Variants in DIP2A observed in about 807,000 individuals in gnomAD.
DIP2A encodes disco-interacting protein 2 homolog A.
In DIP2A, 85 loss-of-function variants were observed where a neutral mutation model predicts 177.4. That is an observed-to-expected ratio of 0.48 (90% CI 0.40 to 0.57). The LOEUF (loss-of-function observed/expected upper bound fraction) is 0.57. Ranked by LOEUF, DIP2A falls within the 20% of genes least tolerant of loss-of-function variation. The pLI, the probability that DIP2A is intolerant of heterozygous loss-of-function variation, is 0.00. For missense variants in DIP2A, 1,791 were observed against 2,100.2 expected (o/e 0.85, Z 2.88); for synonymous variants, 886 against 881.8 (o/e 1.00, Z -0.08).
chr21:46,470,290 C>T (rs1044300156), intron 1 of DIP2A, among the ~76,000 whole-genome samples: 12 of 151,768 alleles, frequency 7.9e-5, no homozygotes, highest in South Asian at 2.1e-4. Flanking sequence ...GCCTGACCAA[C>T]GTGGAGAAAC....
intron 1 of DIP2A, among the ~76,000 whole-genome samples, chr21:46,473,890 T>TA (rs2055616520): frequency 6.6e-6 from 1 of 152,162 alleles, no homozygotes; most frequent in African/African-American, 2.4e-5. Flanking sequence ...CCCACCTTTT[T>TA]AAAAAATGTA....
rs1568984152 is a variant in DIP2A, at chr21:46,502,406, A to G, written c.656-1955A>G. Among the ~76,000 whole-genome samples the G allele has an allele frequency of 2.2e-5, 3 of 135,470 alleles. 1 individual carries two copies. Among genetic ancestry groups the G allele is most frequent in the East Asian group, 4.5e-4 (2 of 4,456 alleles). The allele number at this position is 135,470 out of a possible 152,430, so 88.9% of individuals were successfully genotyped here. On this transcript the variant is annotated intron_variant, in intron 5 of 37. Coordinates refer to ENST00000417564, the MANE Select transcript of DIP2A (RefSeq NM_015151.4). ...CTCAGCCTCCCAAAGTGCTGGGATTATAAGTGTGAGCCACTGCACAGCTAG... is the reference window on the plus strand; with the variant it reads ...CTCAGCCTCCCAAAGTGCTGGGATTGTAAGTGTGAGCCACTGCACAGCTAG...
chr21:46,563,671 T>C lies in DIP2A; in HGVS notation c.4090-187T>C. 1 of 1,139,690 alleles carries C rather than the reference T, an allele frequency of 8.8e-7. No homozygotes were observed. The highest frequency in any genetic ancestry group is 1.2e-6 in the Non-Finnish European group (1 of 840,612). The allele number at this position is 1,139,690 out of a possible 1,614,324, so 70.6% of individuals were successfully genotyped here. ...GAACTGGAGTCATTTTGCTTATTTC[T>C]ATTAACATCTCTTATTTCTTTCAAA... is the stretch of plus-strand genomic sequence containing the variant. On this transcript the variant is annotated intron_variant, in intron 34 of 37. Transcript: ENST00000417564. The surrounding 1 kb of genome is among the most constrained non-coding windows in gnomAD (Gnocchi z 4.3).
intron 25 of DIP2A, among the ~76,000 whole-genome samples, chr21:46,552,495 A>G (rs914933205): frequency 6.6e-6 from 1 of 152,204 alleles, no homozygotes; most frequent in Non-Finnish European, 1.5e-5. Context: ...GGAAACACAG[A>G]AAGTTAAATA....
intron 34 of DIP2A, among the ~76,000 whole-genome samples, chr21:46,562,742 T>G (rs2060708365): frequency 6.6e-6 from 1 of 152,080 alleles, no homozygotes; most frequent in South Asian, 2.1e-4. Context: ...CCTTCCCGTG[T>G]CCCCTGTTAC....
In DIP2A at chr21:46,539,863, G is replaced by C. The variant is rs1386781431; in HGVS notation, c.1922-14G>C. On this transcript the variant is annotated splice_polypyrimidine_tract_variant and intron_variant, in intron 16 of 37. Coordinates refer to ENST00000417564, the MANE Select transcript of DIP2A (RefSeq NM_015151.4). ...CAGTTAGTGCTGGCGTTCCACTCTTGTTGCTCTGTGCAGGGTCGATCTCCT... is the reference window on the plus strand; with the variant it reads ...CAGTTAGTGCTGGCGTTCCACTCTTCTTGCTCTGTGCAGGGTCGATCTCCT... 6.2e-7 allele frequency: 1 copy of C among 1,608,384 alleles called. No individual in the cohort carries two copies. Among genetic ancestry groups the C allele is most frequent in the Non-Finnish European group, 8.5e-7 (1 of 1,174,834 alleles).
chr21:46,482,155 A>C (rs190277954), intron 1 of DIP2A, among the ~76,000 whole-genome samples: 4 of 152,358 alleles, frequency 2.6e-5, no homozygotes, highest in Non-Finnish European at 5.9e-5. Flanking sequence ...GAAAATACCA[A>C]AGACACAAAT....
rs1220934374 is a variant in DIP2A at position 46,514,978 on chromosome 21, G to C, written c.1102+3364G>C. Among the ~76,000 whole-genome samples, 5 of 152,260 alleles carry C rather than the reference G, an allele frequency of 3.3e-5. No individual in the cohort carries two copies. In the East Asian group the frequency reaches 7.7e-4, roughly 23 times the overall value. On this transcript the variant is annotated intron_variant, in intron 8 of 37. Transcript: ENST00000417564. ...TCTAATGTAAAGCAGCCGTTCATTTGTAGAATAAATCCCACTTGGCCATAA... is the reference window on the plus strand; with the variant it reads ...TCTAATGTAAAGCAGCCGTTCATTTCTAGAATAAATCCCACTTGGCCATAA...
At chr21:46,575,759 T>G in the DIP2A span, among the ~76,000 whole-genome samples, 1 of 152,024 alleles carries the variant, frequency 6.6e-6, no homozygotes, top group African/African-American at 2.4e-5. Flanking sequence ...TACAAAGAAA[T>G]AAGTGGAAAG....
intron 17 of DIP2A, among the ~76,000 whole-genome samples, chr21:46,541,547 C>G (rs1353882220): frequency 6.6e-6 from 1 of 152,158 alleles, no homozygotes; most frequent in African/African-American, 2.4e-5. Context: ...GTCACAGGCC[C>G]TTTTCCCACT....
chr21:46,478,068 T>C (rs2056061960), intron 1 of DIP2A, among the ~76,000 whole-genome samples: 1 of 152,208 alleles, frequency 6.6e-6, no homozygotes, highest in Admixed American at 6.5e-5. Flanking sequence ...TCTTAGCACC[T>C]GCTCCATTCT....
At chr21:46,566,512 C>A in intron 36 of DIP2A, 48 bp from the exon 37 acceptor site, 5 of 1,612,758 alleles carry the variant, frequency 3.1e-6, no homozygotes, top group Non-Finnish European at 4.2e-6. Flanking sequence ...TGTCCAGACT[C>A]TGCATGCCTT....
chr21:46,514,665 A>G (rs538798109), intron 8 of DIP2A, among the ~76,000 whole-genome samples: 16 of 114,340 alleles, frequency 1.4e-4, no homozygotes, highest in African/African-American at 5.6e-4. Flanking sequence ...TGCACAAGCT[A>G]GAACCTCCAG....
In DIP2A at chr21:46,558,270, C is replaced by A. The variant is rs751750026; in HGVS notation, c.3846C>A (p.Ala1282=). ...GTGTGCGCACGTGCATGGTGGTCGCCGAGGAGCGGCCCAGGATTGCGCTGA... is the reference window on the plus strand; with the variant it reads ...GTGTGCGCACGTGCATGGTGGTCGCAGAGGAGCGGCCCAGGATTGCGCTGA... ...LSCVRTCMVV[A]EERPRIALTQ... is the part of the protein sequence containing the mutation. Residue 1282 remains alanine, a synonymous_variant, in exon 32 of 38, where the codon GCC becomes GCA. Coordinates refer to ENST00000417564, the MANE Select transcript of DIP2A (RefSeq NM_015151.4). The A allele has an allele frequency of 1.9e-6, 3 of 1,612,434 alleles. No individual in the cohort carries two copies. The South Asian group carries it at 3.3e-5, about 18-fold the overall frequency.
intron 3 of DIP2A, among the ~76,000 whole-genome samples, chr21:46,496,086 T>C (rs574759831): frequency 9.1e-4 from 138 of 151,932 alleles, no homozygotes; most frequent in South Asian, 1.7e-3. Context: ...AAAAAATTTT[T>C]TTTTCAGAAA....
chr21:46,558,402 C>G lies in DIP2A; in HGVS notation c.3969+9C>G, dbSNP rs780733284. 3 of 1,427,152 alleles carry G rather than the reference C, an allele frequency of 2.1e-6. No individual in the cohort carries two copies. The highest frequency in any genetic ancestry group is 6.1e-5 in the African/African-American group (2 of 32,726). The allele number at this position is 1,427,152 out of a possible 1,614,324, so 88.4% of individuals were successfully genotyped here. A position where few individuals can be genotyped will look rare whatever the true frequency, so the allele number is the denominator to read the frequency against. The stretch of plus-strand genomic sequence containing the variant: ...TGGCCATCTGCCTCCAGGTGAGGTG[C>G]CTGGGGCTGCGGTTCTCGAAAGCTG... On this transcript the variant is annotated intron_variant, in intron 32 of 37. Transcript: ENST00000417564.
intron 3 of DIP2A, among the ~76,000 whole-genome samples, chr21:46,495,244 T>TTCTTTCTCTCTCTCTCTC (rs2057274679): frequency 3.1e-4 from 12 of 38,196 alleles, no homozygotes; most frequent in Non-Finnish European, 4.9e-4. Context: ...CTTCTCTTCT[T>TTCTTTCTCTCTCTCTCTC]TCTCTCTCTC....
At chr21:46,549,980 G>C in intron 22 of DIP2A, 95 bp downstream of exon 22, 1 of 1,569,532 alleles carries the variant, frequency 6.4e-7, no homozygotes, top group Non-Finnish European at 8.6e-7. Flanking sequence ...GTCCCGCCCG[G>C]TCCTCCCTGG....
chr21:46,546,171 C>T (rs1274997906), intron 20 of DIP2A: 1 of 1,351,860 alleles, frequency 7.4e-7, no homozygotes, highest in East Asian at 2.7e-5. Context: ...GCACACAGGC[C>T]TGAGTCGGGG....
Sources: gnomAD v4.1 joint callset for allele counts (sites outside exome capture counted in the v4.1 genomes callset) on GRCh38, gnomAD v4.1.1 for gene constraint, Gnocchi (gnomAD v3.1) non-coding constraint, MANE v1.5 for transcripts, NCBI Gene and HGNC (gene_info 2026-07-23, HGNC 2026-07-21) for gene names.